The following TUSC3 variants were observed in gnomAD, a reference collection of about 807,000 sequenced individuals.
TUSC3 encodes the protein dolichyl-diphosphooligosaccharide--protein glycosyltransferase subunit TUSC3.
In TUSC3, 45 loss-of-function variants were observed where a neutral mutation model predicts 44.8. The observed-to-expected ratio is 1.00, with a 90% CI of 0.79 to 1.29. TUSC3 has a LOEUF of 1.29. Among genes scored for constraint, TUSC3 ranks in the 50% most tolerant of loss-of-function variants. The pLI is 0.00. For synonymous variants in TUSC3, 212 were observed against 152.9 expected (o/e 1.39, Z -2.85); for missense variants, 519 against 437.9 (o/e 1.19, Z -1.65).
chr8:15,454,864 C>T (rs1159801570), intron 1 of TUSC3, among the ~76,000 whole-genome samples: 2 of 152,018 alleles, frequency 1.3e-5, no homozygotes, highest in South Asian at 2.1e-4. Flanking sequence ...CTGAATATTA[C>T]CTTTTGAGGC....
intron 2 of TUSC3, among the ~76,000 whole-genome samples, chr8:15,531,015 C>T (rs747581543): frequency 2.0e-5 from 3 of 152,102 alleles, no homozygotes; most frequent in Non-Finnish European, 2.9e-5. Context: ...AAGAAAGCCT[C>T]AGGTCCGCAT....
At chr8:15,540,819 C>A (rs1334325074) in intron 1 of TUSC3, among the ~76,000 whole-genome samples, 1 of 152,186 alleles carries the variant, frequency 6.6e-6, no homozygotes, top group Non-Finnish European at 1.5e-5. Flanking sequence ...CTTTCAGACC[C>A]AGGGCGCCTT....
the TUSC3 span, chr8:15,806,642 G>T: frequency 7.6e-7 from 1 of 1,324,164 alleles, no homozygotes; most frequent in South Asian, 1.2e-5. Context: ...ATGGACTTCA[G>T]GCTCTGGTGA....
At chr8:15,484,785 C>T (rs1029200508) in intron 2 of TUSC3, among the ~76,000 whole-genome samples, 1 of 152,170 alleles carries the variant, frequency 6.6e-6, no homozygotes, top group East Asian at 1.9e-4. Flanking sequence ...GTGACAGTTC[C>T]ATCACTTTTA....
At chr8:15,656,776 A>C (rs1807188399) in intron 3 of TUSC3, among the ~76,000 whole-genome samples, 1 of 152,214 alleles carries the variant, frequency 6.6e-6, no homozygotes, top group Non-Finnish European at 1.5e-5. Flanking sequence ...CCTCTGCAAC[A>C]AGTCTTTATC....
At chr8:15,775,069 T>TC in the TUSC3 span, among the ~76,000 whole-genome samples, 1 of 152,184 alleles carries the variant, frequency 6.6e-6, no homozygotes, top group East Asian at 1.9e-4. Context: ...ACCCAGATGT[T>TC]CATCAGCTGA....
chr8:15,487,115 A>G (rs1347990555), intron 2 of TUSC3, among the ~76,000 whole-genome samples: 1 of 152,144 alleles, frequency 6.6e-6, no homozygotes, highest in Non-Finnish European at 1.5e-5. Context: ...TGCCTATTAA[A>G]TTTGAGGAAT....
chr8:15,548,676 G>A (rs1801955777), intron 1 of TUSC3, among the ~76,000 whole-genome samples: 2 of 151,676 alleles, frequency 1.3e-5, no homozygotes, highest in Non-Finnish European at 2.9e-5. Flanking sequence ...ATTTCAAATT[G>A]GATTTCTGAT....
At chr8:15,692,371 C>CCTT (rs1563175839) in intron 6 of TUSC3, among the ~76,000 whole-genome samples, 10 of 18,818 alleles carry the variant, frequency 5.3e-4, no homozygotes, top group Non-Finnish European at 8.3e-4. Context: ...CCCCCCCCCC[C>CCTT]TTTGTTTTTT....
At chr8:15,810,961 T>G in the TUSC3 span, among the ~76,000 whole-genome samples, 2 of 152,072 alleles carry the variant, frequency 1.3e-5, no homozygotes, top group African/African-American at 2.4e-5. Flanking sequence ...TAAGGAGACA[T>G]GATCGTGTGG....
intron 2 of TUSC3, among the ~76,000 whole-genome samples, chr8:15,641,351 G>C (rs1456668234): frequency 8.0e-6 from 1 of 124,592 alleles, no homozygotes; most frequent in Non-Finnish European, 1.6e-5. Flanking sequence ...CAGAGAGAGA[G>C]ACTCCGTCTC....
At chr8:15,650,982 TTTACAC>T in intron 3 of TUSC3, 168 bp downstream of exon 3, 1 of 563,094 alleles carries the variant, frequency 1.8e-6, no homozygotes, top group Non-Finnish European at 3.1e-6. Context: ...GAGCAAGACT[TTTACAC>T]ACACACACAC....
the TUSC3 span, among the ~76,000 whole-genome samples, chr8:15,826,139 G>C: frequency 6.6e-6 from 1 of 152,098 alleles, no homozygotes; most frequent in Non-Finnish European, 1.5e-5. Flanking sequence ...ATTCTGACTA[G>C]TTTAAATATA....
chr8:15,433,220 T>C (rs1038024417), intron 1 of TUSC3, among the ~76,000 whole-genome samples: 5 of 152,172 alleles, frequency 3.3e-5, no homozygotes, highest in Non-Finnish European at 5.9e-5. Context: ...TTCTTTTCCA[T>C]TGTGGAAATG....
chr8:15,582,919 CCACT>C (rs984189567), intron 1 of TUSC3, among the ~76,000 whole-genome samples: 2 of 152,192 alleles, frequency 1.3e-5, no homozygotes, highest in African/African-American at 4.8e-5. Context: ...ATACTGAAGA[CCACT>C]CAGTCTGTAT....
intron 1 of TUSC3, among the ~76,000 whole-genome samples, chr8:15,594,978 G>T (rs776748788): frequency 6.6e-6 from 1 of 152,028 alleles, no homozygotes; most frequent in Non-Finnish European, 1.5e-5. Flanking sequence ...GTCTACCCTA[G>T]GTTTTATACT....
intron 1 of TUSC3, among the ~76,000 whole-genome samples, chr8:15,547,282 C>T (rs1191506330): frequency 1.3e-5 from 2 of 151,532 alleles, no homozygotes; most frequent in African/African-American, 4.8e-5. Flanking sequence ...TTAGAAATGG[C>T]ATAACATGGT....
At chr8:15,653,016 A>G (rs1585195911) in intron 3 of TUSC3, among the ~76,000 whole-genome samples, 2 of 152,324 alleles carry the variant, frequency 1.3e-5, no homozygotes, top group East Asian at 1.9e-4. Flanking sequence ...GCCTTCTCCT[A>G]TTTTTATTAA....
intron 1 of TUSC3, among the ~76,000 whole-genome samples, chr8:15,589,444 C>T (rs969001257): frequency 7.2e-5 from 11 of 151,848 alleles, no homozygotes; most frequent in African/African-American, 1.7e-4. Flanking sequence ...TTGATCAATT[C>T]GAAACATAAA....
Sources: gnomAD v4.1 joint callset for allele counts (sites outside exome capture counted in the v4.1 genomes callset) on GRCh38, gnomAD v4.1.1 for gene constraint, MANE v1.5 for transcripts, NCBI Gene and HGNC (gene_info 2026-07-23, HGNC 2026-07-21) for gene names.